The following TMCO6 variants were observed in gnomAD, a reference collection of about 807,000 sequenced individuals.
The protein encoded by TMCO6 is transmembrane and coiled-coil domains 6, also known as transmembrane and coiled-coil domain-containing protein 6.
Under a neutral mutation model 61.8 loss-of-function variants are expected in TMCO6, and 47 were observed. The ratio of observed to expected loss-of-function variants is 0.76; its 90% confidence interval spans 0.60 to 0.97. The LOEUF (loss-of-function observed/expected upper bound fraction) is 0.97, where lower values mean the gene tolerates loss of function less well. Ranked by LOEUF, TMCO6 falls within the 50% of genes least tolerant of loss-of-function variation. The probability of loss-of-function intolerance (pLI) is 0.00; values close to 1 mark genes in which losing one functional copy is unlikely to be tolerated. For missense variants in TMCO6, 557 were observed against 601.6 expected (o/e 0.93, Z 0.78); for synonymous variants, 261 against 254.2 (o/e 1.03, Z -0.25).
chr5:140,620,809 G>A, the TMCO6 span, among the ~76,000 whole-genome samples: 3 of 152,122 alleles, frequency 2.0e-5, no homozygotes, highest in African/African-American at 4.8e-5. Context: ...CCAGGAGTTC[G>A]AGCCCAGCCT....
intron 2 of TMCO6, chr5:140,641,342 G>A (rs968321168): frequency 1.8e-5 from 5 of 276,536 alleles, no homozygotes; most frequent in Middle Eastern, 2.4e-3. Flanking sequence ...ATGGCTAGAG[G>A]AGTAGGTTTT....
chr5:140,636,898 G>C (rs1190146169), upstream of TMCO6, among the ~76,000 whole-genome samples: 2 of 152,060 alleles, frequency 1.3e-5, no homozygotes. Flanking sequence ...AAAATTCTTA[G>C]GTGCCACCGG....
At chr5:140,643,113 C>T in intron 7 of TMCO6, 72 bp downstream of exon 7, 1 of 1,600,152 alleles carries the variant, frequency 6.2e-7, no homozygotes, top group South Asian at 1.1e-5. Flanking sequence ...ACTCTTTGAA[C>T]TTGTGTCTGG....
chr5:140,621,802 G>T, the TMCO6 span, among the ~76,000 whole-genome samples: 23 of 152,166 alleles, frequency 1.5e-4, no homozygotes, highest in Non-Finnish European at 2.9e-4. Context: ...CCCCCTGGGC[G>T]TGGCCATCTC....
the TMCO6 span, among the ~76,000 whole-genome samples, chr5:140,618,180 C>T: frequency 6.6e-6 from 1 of 152,144 alleles, no homozygotes; most frequent in Non-Finnish European, 1.5e-5. Flanking sequence ...CCTGTAATCC[C>T]AGCACTTTGG....
chr5:140,646,624 T>C (rs1193910557), downstream of TMCO6, among the ~76,000 whole-genome samples: 1 of 152,190 alleles, frequency 6.6e-6, no homozygotes, highest in Non-Finnish European at 1.5e-5. Context: ...TACAATGTGT[T>C]AGGCAACATG....
chr5:140,610,186 T>TAAAAAA, the TMCO6 span, among the ~76,000 whole-genome samples: 26 of 70,744 alleles, frequency 3.7e-4, 1 homozygote, highest in African/African-American at 1.2e-3. Flanking sequence ...CCATTTCTAC[T>TAAAAAA]AAAAAAAAAA....
chr5:140,606,370 T>A, the TMCO6 span, among the ~76,000 whole-genome samples: 1 of 152,182 alleles, frequency 6.6e-6, no homozygotes, highest in African/African-American at 2.4e-5. Context: ...GGCTGGTACT[T>A]TCATTTCTGA....
chr5:140,641,770 A>G lies in TMCO6; in HGVS notation c.304A>G (p.Thr102Ala). 1 of 1,614,148 alleles carries G rather than the reference A, an allele frequency of 6.2e-7. No individual in the cohort carries two copies. The highest frequency in any genetic ancestry group is 1.3e-5 in the African/African-American group (1 of 75,032). ...RGLQHPETQQ[T>A]FIRLEGSMRT... is the part of the protein sequence containing the mutation. ...CTTGCAGCACCCTGAAACACAGCAA[A>G]CCTTCATCCGGTCAGTGTGGATGGT... Residue 102 changes from threonine (T) to alanine (A), a missense_variant, in exon 3 of 12, where the codon ACC becomes GCC. Thr to Ala is a moderately conservative substitution (Grantham distance 58). Transcript: ENST00000394671.
the TMCO6 span, among the ~76,000 whole-genome samples, chr5:140,610,399 G>A: frequency 6.6e-6 from 1 of 151,966 alleles, no homozygotes; most frequent in East Asian, 1.9e-4. Context: ...TGGTCTCCTT[G>A]TGTTGCCTAG....
chr5:140,647,572 G>A, downstream of TMCO6: 4 of 1,610,418 alleles, frequency 2.5e-6, no homozygotes, highest in Non-Finnish European at 3.4e-6. Context: ...GACTTGCTGC[G>A]GCCGCCGCCA....
At chr5:140,619,225 G>A in the TMCO6 span, among the ~76,000 whole-genome samples, 1 of 152,166 alleles carries the variant, frequency 6.6e-6, no homozygotes, top group African/African-American at 2.4e-5. Flanking sequence ...ATGAAAAAGT[G>A]CTCTACATGA....
the TMCO6 span, among the ~76,000 whole-genome samples, chr5:140,616,968 G>A: frequency 6.6e-6 from 1 of 151,548 alleles, no homozygotes; most frequent in Non-Finnish European, 1.5e-5. Flanking sequence ...ACTTGAGCCT[G>A]GGAGGTGGAT....
chr5:140,623,068 G>A, the TMCO6 span, among the ~76,000 whole-genome samples: 1 of 152,106 alleles, frequency 6.6e-6, no homozygotes, highest in Non-Finnish European at 1.5e-5. Flanking sequence ...AGATGTTCTG[G>A]AACAGGAATT....
At chr5:140,645,964 A>G (rs1757369789), downstream of TMCO6, among the ~76,000 whole-genome samples, 1 of 151,408 alleles carries the variant, frequency 6.6e-6, no homozygotes, top group African/African-American at 2.4e-5. Context: ...TACGGTGAGC[A>G]ATGTATTGCA....
the TMCO6 span, among the ~76,000 whole-genome samples, chr5:140,616,007 C>G: frequency 6.6e-6 from 1 of 152,076 alleles, no homozygotes; most frequent in African/African-American, 2.4e-5. Flanking sequence ...TGGCAGGCAC[C>G]TATAATCCCA....
chr5:140,644,148 A>G lies in TMCO6; in HGVS notation c.1154A>G (p.Glu385Gly). 1 of 1,614,152 alleles carries G rather than the reference A, an allele frequency of 6.2e-7. No homozygotes were observed. Among genetic ancestry groups the G allele is most frequent in the Non-Finnish European group, 8.5e-7 (1 of 1,180,026 alleles). The change falls in exon 10 of 12, where the codon GAG becomes GGG. Residue 385 changes from glutamate to glycine, a missense_variant. Glu to Gly is a moderately conservative substitution (Grantham distance 98). Coordinates refer to ENST00000394671, the MANE Select transcript of TMCO6 (RefSeq NM_018502.5). The stretch of plus-strand genomic sequence containing the variant: ...TCCTTGCTCTCCCTGGATCTGATTG[A>G]GCCTCTCTTACAGCTGTTGCCAGTA... ...CTSLLSLDLI[E>G]PLLQLLPVSN...
intron 2 of TMCO6, 119 bp downstream of exon 2, chr5:140,639,970 G>A: frequency 1.3e-6 from 1 of 799,802 alleles, no homozygotes; most frequent in Non-Finnish European, 2.1e-6. Flanking sequence ...CGCATCCAGT[G>A]GGTCAAGCCA....
chr5:140,645,143 G>C lies in TMCO6; in HGVS notation c.*45G>C. 1 of 1,585,676 alleles carries C rather than the reference G, an allele frequency of 6.3e-7. No individual in the cohort carries two copies. Among genetic ancestry groups the C allele is most frequent in the African/African-American group, 1.3e-5 (1 of 74,462 alleles). On this transcript the variant is annotated 3_prime_UTR_variant, in exon 12 of 12. Transcript: ENST00000394671. ...TCATTCCCCTCTCTCTTAACATCAA[G>C]CTTGTTTGTCCAGTAGAGCCTTTGG...
Sources: gnomAD v4.1 joint callset for allele counts (sites outside exome capture counted in the v4.1 genomes callset) on GRCh38, gnomAD v4.1.1 for gene constraint, MANE v1.5 for transcripts, NCBI Gene and HGNC (gene_info 2026-07-23, HGNC 2026-07-21) for gene names.